The following REV3L variants were observed in gnomAD, a reference collection of about 807,000 sequenced individuals.
REV3L encodes the protein REV3 like, DNA directed polymerase zeta catalytic subunit.
Under a neutral mutation model 299.4 loss-of-function variants are expected in REV3L, and 69 were observed. The observed-to-expected ratio is 0.23, with a 90% CI of 0.19 to 0.28. REV3L has a LOEUF of 0.28. Ranked by LOEUF, REV3L falls within the 10% of genes least tolerant of loss-of-function variation. The pLI is 1.00. For synonymous variants in REV3L, 1,238 were observed against 1,271.4 expected, an observed-to-expected ratio of 0.97 and a Z score of 0.56; for missense variants, 3,128 against 3,693.8, an observed-to-expected ratio of 0.85 and a Z score of 3.97.
At chr6:111,464,552 T>C (rs897943000) in intron 1 of REV3L, among the ~76,000 whole-genome samples, 1 of 151,982 alleles carries the variant, frequency 6.6e-6, no homozygotes, top group African/African-American at 2.4e-5. Context: ...AACATACATA[T>C]AGGAAGAAAT....
chr6:111,325,191 A>G (rs1774645911), intron 25 of REV3L, among the ~76,000 whole-genome samples: 1 of 152,244 alleles, frequency 6.6e-6, no homozygotes, highest in Admixed American at 6.5e-5. Flanking sequence ...AAATGTTTTA[A>G]GTAAAAATTA....
chr6:111,321,129 A>G (rs1272878853), intron 26 of REV3L, among the ~76,000 whole-genome samples: 1 of 142,004 alleles, frequency 7.0e-6, no homozygotes, highest in African/African-American at 3.1e-5. Flanking sequence ...TAGTTGCAAG[A>G]TCTTAAATTT....
intron 2 of REV3L, chr6:111,412,070 GTTTA>G: frequency 1.0e-6 from 1 of 984,780 alleles, no homozygotes; most frequent in Non-Finnish European, 1.2e-6. Context: ...TTATTCAGCT[GTTTA>G]TTATTATTTT....
intron 1 of REV3L, among the ~76,000 whole-genome samples, chr6:111,461,563 T>C (rs982792710): frequency 1.3e-5 from 2 of 151,930 alleles, no homozygotes; most frequent in African/African-American, 4.8e-5. Flanking sequence ...TACTGTAAAG[T>C]CTTAGAGTAG....
In REV3L at chr6:111,376,278, T is replaced by C; in HGVS notation, c.2077A>G (p.Met693Val). The C allele has an allele frequency of 6.2e-7, 1 of 1,613,896 alleles. No homozygotes were observed. Among genetic ancestry groups the C allele is most frequent in the Non-Finnish European group, 8.5e-7 (1 of 1,179,918 alleles). Residue 693 changes from methionine (M) to valine (V), a missense_variant, in exon 13 of 32, where the codon ATG (methionine) becomes GTG (valine). Physicochemically the swap from Met to Val is conservative, Grantham distance 21. Coordinates refer to ENST00000368802, the MANE Select transcript of REV3L (RefSeq NM_001372078.1). ...GTATTCTCGTTAGGGTGACGGTGCA[T>C]ATGTATAAAAGGGGAATCCTTTTCG... Reference protein sequence around the residue: ...KIEKDSPFIHMHRHPNENTLG... With the variant: ...KIEKDSPFIHVHRHPNENTLG...
At chr6:111,482,619 G>A (rs895398851) in intron 1 of REV3L, 131 bp downstream of exon 1, 6 of 405,742 alleles carry the variant, frequency 1.5e-5, no homozygotes, top group African/African-American at 8.6e-5. Flanking sequence ...GAGGGCGGAG[G>A]GGAGGGAAGA....
chr6:111,363,395 T>A (rs1303240995), intron 16 of REV3L, among the ~76,000 whole-genome samples: 1 of 152,032 alleles, frequency 6.6e-6, no homozygotes, highest in Non-Finnish European at 1.5e-5. Flanking sequence ...ACCCTCGAAC[T>A]CCCAGGATCA....
intron 31 of REV3L, among the ~76,000 whole-genome samples, chr6:111,301,066 C>T (rs1771460325): frequency 6.6e-6 from 1 of 152,128 alleles, no homozygotes; most frequent in African/African-American, 2.4e-5. Flanking sequence ...AATGCATTCT[C>T]AGGGGTAGGT....
intron 18 of REV3L, among the ~76,000 whole-genome samples, 165 bp from the exon 19 acceptor site, chr6:111,351,956 A>G (rs1032241429): frequency 6.6e-6 from 1 of 152,164 alleles, no homozygotes; most frequent in African/African-American, 2.4e-5. Context: ...GTTTTTATAC[A>G]GGAAGAGATG....
Position 111,373,722 on chromosome 6 carries a change from T to A in REV3L, c.4633A>T (p.Asn1545Tyr). 1 of 1,613,934 alleles carries A rather than the reference T, an allele frequency of 6.2e-7. No individual in the cohort carries two copies. Among genetic ancestry groups the A allele is most frequent in the East Asian group, 2.2e-5 (1 of 44,880 alleles). Residue 1545 changes from asparagine to tyrosine, a missense_variant, in exon 13 of 32, where the codon AAT (asparagine) becomes TAT (tyrosine). Asn to Tyr is a moderately radical substitution (Grantham distance 143, BLOSUM62 -2). Transcript: ENST00000368802. Reference protein sequence around the residue: ...QKRQQKAQNANTTQDPLSNKH... With the variant: ...QKRQQKAQNAYTTQDPLSNKH... Reference sequence around the variant, plus strand: ...TTGGATAATGGGTCTTGTGTAGTATTTGCATTTTGTGCTTTCTGCTGTCTT... The same window carrying A: ...TTGGATAATGGGTCTTGTGTAGTATATGCATTTTGTGCTTTCTGCTGTCTT...
chr6:111,463,800 G>A (rs1791082962), intron 1 of REV3L, among the ~76,000 whole-genome samples: 2 of 152,164 alleles, frequency 1.3e-5, no homozygotes, highest in Non-Finnish European at 2.9e-5. Context: ...AACCTGTCAT[G>A]GACATTAAGC....
rs746511072 is a variant in REV3L, at chr6:111,344,011, C to A, written c.7452G>T (p.Val2484=). ...AACGCTGATGAAGAACATGAAAGCTCACATTTTCAAAGGTGTAGTTAGTTA... is the reference window on the plus strand; with the variant it reads ...AACGCTGATGAAGAACATGAAAGCTAACATTTTCAAAGGTGTAGTTAGTTA... ...VALTNYTFEN[V]SFHVLHQRFP... is the part of the protein sequence containing the mutation. Residue 2484 remains valine (V), a synonymous_variant, in exon 21 of 32, where the codon GTG becomes GTT. Coordinates refer to ENST00000368802, the MANE Select transcript of REV3L (RefSeq NM_001372078.1). 6.2e-7 allele frequency: 1 copy of A among 1,611,330 alleles called. No homozygotes were observed. The highest frequency in any genetic ancestry group is 1.1e-5 in the South Asian group (1 of 90,474).
intron 4 of REV3L, 23 bp downstream of exon 4, chr6:111,405,447 A>G: frequency 6.4e-7 from 1 of 1,568,300 alleles, no homozygotes; most frequent in Non-Finnish European, 8.6e-7. Flanking sequence ...CAAAAATTTA[A>G]TTTGACTGAA....
intron 25 of REV3L, among the ~76,000 whole-genome samples, chr6:111,323,794 C>CG (rs1774452353): frequency 2.0e-5 from 3 of 152,058 alleles, no homozygotes; most frequent in African/African-American, 7.2e-5. Context: ...GCAAACTGCA[C>CG]ATTTTTTTTT....
intron 1 of REV3L, among the ~76,000 whole-genome samples, chr6:111,464,685 G>C (rs1486651670): frequency 2.6e-5 from 4 of 152,096 alleles, no homozygotes; most frequent in Non-Finnish European, 5.9e-5. Context: ...TTAAAAATGA[G>C]TTCTGTTATC....
chr6:111,385,058 A>G (rs1371483644), intron 9 of REV3L, among the ~76,000 whole-genome samples: 1 of 152,010 alleles, frequency 6.6e-6, no homozygotes, highest in Non-Finnish European at 1.5e-5. Context: ...AATTTAAACA[A>G]TGGAACTCAT....
intron 1 of REV3L, among the ~76,000 whole-genome samples, chr6:111,434,614 G>A (rs558455540): frequency 1.5e-4 from 20 of 136,760 alleles, no homozygotes; most frequent in East Asian, 4.2e-4. Flanking sequence ...GCGAGACTCC[G>A]TCTCAAAAAA....
chr6:111,448,949 G>A (rs895985759), intron 1 of REV3L, among the ~76,000 whole-genome samples: 1 of 152,064 alleles, frequency 6.6e-6, no homozygotes, highest in South Asian at 2.1e-4. Context: ...TTACAGGCGT[G>A]AGCCACCACA....
At position 111,307,750 on chromosome 6, in the gene REV3L, G is replaced by T; in HGVS notation, c.9043-180C>A. 3 of 595,662 alleles carry T rather than the reference G, an allele frequency of 5.0e-6. No individual in the cohort carries two copies. In the South Asian group the frequency reaches 6.5e-5, roughly 13 times the overall value. The allele number at this position is 595,662 out of a possible 1,614,324, so 36.9% of individuals were successfully genotyped here. ...AGACACTGGAGCTACAGAAATGAATGAAGTCCTTGCCTTCATGGAACTTAC... is the reference window on the plus strand; with the variant it reads ...AGACACTGGAGCTACAGAAATGAATTAAGTCCTTGCCTTCATGGAACTTAC... On this transcript the variant is annotated intron_variant, in intron 30 of 31. Transcript: ENST00000368802.
Sources: allele counts gnomAD v4.1 joint callset (sites outside exome capture counted in the v4.1 genomes callset), GRCh38; gene constraint gnomAD v4.1.1; transcripts MANE v1.5; gene names NCBI Gene and HGNC (gene_info 2026-07-23, HGNC 2026-07-21).